The following JPH2 variants were observed in gnomAD, a reference collection of about 807,000 sequenced individuals.
The protein encoded by JPH2 is junctophilin-2.
In JPH2, 38 loss-of-function variants were observed where a neutral mutation model predicts 55.9. The observed-to-expected ratio is 0.68, with a 90% CI of 0.52 to 0.89. The LOEUF is 0.89. JPH2 is among the 40% of genes least tolerant of loss of function. The probability of loss-of-function intolerance (pLI) is 0.00; values close to 1 mark genes in which losing one functional copy is unlikely to be tolerated. For missense variants in JPH2, 964 were observed against 1,037.6 expected (o/e 0.93, Z 0.97); for synonymous variants, 480 against 472.4 (o/e 1.02, Z -0.21).
chr20:44,149,963 GAAAAAAAAAAAA>G (rs67234498), intron 2 of JPH2, among the ~76,000 whole-genome samples: 1 of 11,458 alleles, frequency 8.7e-5, no homozygotes, highest in African/African-American at 4.7e-4. Flanking sequence ...GGCGACAGAG[GAAAAAAAAAAAA>G]AAAAAAAAAA....
intron 2 of JPH2, among the ~76,000 whole-genome samples, chr20:44,134,898 T>TTA (rs1171262872): frequency 8.2e-5 from 3 of 36,618 alleles, no homozygotes; most frequent in Admixed American, 5.1e-4. Context: ...TAATATATAT[T>TTA]TATATATATA....
At chr20:44,169,926 G>C (rs1358604204) in intron 1 of JPH2, among the ~76,000 whole-genome samples, 1 of 152,146 alleles carries the variant, frequency 6.6e-6, no homozygotes, top group African/African-American at 2.4e-5. Flanking sequence ...GGACTCTGCA[G>C]AGAGTCTCCA....
intron 1 of JPH2, among the ~76,000 whole-genome samples, chr20:44,171,583 G>A (rs116080558): frequency 2.1e-4 from 30 of 146,220 alleles, no homozygotes; most frequent in African/African-American, 7.2e-4. Flanking sequence ...CTCTCTCTCT[G>A]AGTCTGTGCT....
chr20:44,156,049 A>AAAAAC (rs2072564230), intron 2 of JPH2, among the ~76,000 whole-genome samples: 2 of 151,554 alleles, frequency 1.3e-5, no homozygotes, highest in East Asian at 1.9e-4. Context: ...AAAAAAAAAA[A>AAAAAC]CTGTCAAGGA....
At chr20:44,178,463 T>C (rs2072753372) in intron 1 of JPH2, among the ~76,000 whole-genome samples, 1 of 152,242 alleles carries the variant, frequency 6.6e-6, no homozygotes, top group Admixed American at 6.5e-5. Flanking sequence ...TAGGGATATA[T>C]ACCATGTTCA....
intron 2 of JPH2, among the ~76,000 whole-genome samples, chr20:44,120,739 A>T (rs917261747): frequency 2.0e-5 from 3 of 152,092 alleles, no homozygotes; most frequent in Admixed American, 6.6e-5. Context: ...TGATAAGCTT[A>T]AAAAAAACAA....
intron 2 of JPH2, among the ~76,000 whole-genome samples, chr20:44,138,888 G>C (rs185469514): frequency 6.6e-6 from 1 of 152,180 alleles, no homozygotes; most frequent in Non-Finnish European, 1.5e-5. Flanking sequence ...AGGGGATCCA[G>C]ACAGCATGTG....
rs2072744419 is a variant in JPH2, at chr20:44,177,520, T to C, written c.379+8807A>G. 7.6e-6 allele frequency: 8 copies of C among 1,056,820 alleles called. No individual in the cohort carries two copies. The South Asian group carries it at 2.5e-4, about 33-fold the overall frequency. 65.5% of individuals were successfully genotyped at this position (1,056,820 alleles called of 1,614,324 possible). ...AATACGGTCCGCTTTTCTGTTCTGCTAAGGGTCTGCTGTGCTCTCCTGGGG... is the reference window on the plus strand; with the variant it reads ...AATACGGTCCGCTTTTCTGTTCTGCCAAGGGTCTGCTGTGCTCTCCTGGGG... On this transcript the variant is annotated intron_variant, in intron 1 of 5. Coordinates refer to ENST00000372980, the MANE Select transcript of JPH2 (RefSeq NM_020433.5).
chr20:44,183,060 C>T (rs932985262), intron 1 of JPH2, among the ~76,000 whole-genome samples: 7 of 152,156 alleles, frequency 4.6e-5, no homozygotes, highest in Non-Finnish European at 8.8e-5. Flanking sequence ...CACACAGACA[C>T]GTGCACACAC....
chr20:44,184,727 C>T (rs1410488800), intron 1 of JPH2, among the ~76,000 whole-genome samples: 6 of 152,136 alleles, frequency 3.9e-5, no homozygotes, highest in South Asian at 2.1e-4. Flanking sequence ...CCCACTGCTA[C>T]CCTCATGCTT....
rs55918465 is a variant in JPH2, at chr20:44,142,035, C to T, written c.1169+17583G>A. The stretch of plus-strand genomic sequence containing the variant: ...GTGACTGAATGACCACTTGGCAGGA[C>T]GATGGGAAAGGCATTCTGACATTGG... On this transcript the variant is annotated intron_variant, in intron 2 of 5. Transcript: ENST00000372980. Among the ~76,000 whole-genome samples the T allele has an allele frequency of 1.0e-2, 1,519 of 152,234 alleles. 25 individuals are homozygous for T. The highest frequency in any genetic ancestry group is 0.035 in the African/African-American group (1,451 of 41,540).
Position 44,116,187 on chromosome 20 carries a change from C to G in JPH2, c.1488G>C (p.Arg496=). 1.4e-6 allele frequency: 2 copies of G among 1,392,186 alleles called. No homozygotes were observed. The highest frequency in any genetic ancestry group is 1.6e-5 in the South Asian group (1 of 61,138). The allele number at this position is 1,392,186 out of a possible 1,614,324, so 86.2% of individuals were successfully genotyped here. The stretch of plus-strand genomic sequence containing the variant: ...CGTCCTTGGACACCCCGGGCCTGGG[C>G]CGCTTGGGCTGCGGGGGCGTCCCGG... ...SPAGTPPQPK[R]PRPGVSKDGL... is the part of the protein sequence containing the mutation. The change falls in exon 4 of 6, where the codon CGG becomes CGC. Residue 496 remains arginine, a synonymous_variant. Transcript: ENST00000372980.
chr20:44,136,865 C>T (rs1323728517), intron 2 of JPH2, among the ~76,000 whole-genome samples: 1 of 152,142 alleles, frequency 6.6e-6, no homozygotes, highest in East Asian at 1.9e-4. Context: ...TAAATTGTGG[C>T]ATGTGAAGGG....
intron 1 of JPH2, among the ~76,000 whole-genome samples, chr20:44,183,899 C>T (rs2072808037): frequency 6.6e-6 from 1 of 152,100 alleles, no homozygotes; most frequent in African/African-American, 2.4e-5. Context: ...CACCTGTAAT[C>T]CCAGCACTTT....
chr20:44,175,702 G>T (rs904767730), intron 1 of JPH2, among the ~76,000 whole-genome samples: 4 of 152,212 alleles, frequency 2.6e-5, no homozygotes, highest in African/African-American at 7.2e-5. Context: ...ATGCCCCGTG[G>T]CTCACCCCCA....
rs1488850956 is a variant in JPH2 at position 44,134,261 on chromosome 20, ATATT to A, written c.1170-15642_1170-15639del. Among the ~76,000 whole-genome samples, 2 of 31,392 alleles carry A rather than the reference ATATT, an allele frequency of 6.4e-5. 1 individual carries two copies. Among genetic ancestry groups the A allele is most frequent in the Non-Finnish European group, 1.0e-4 (2 of 19,108 alleles). The allele number at this position is 31,392 out of a possible 152,430, so 20.6% of individuals were successfully genotyped here. Reference sequence around the variant, plus strand: ...ATTTATTATAAATACATATAAATAAATATTTATTATATATACATATAAATATTTA... The same window carrying A: ...ATTTATTATAAATACATATAAATAAATATTATATATACATATAAATATTTA... On this transcript the variant is annotated intron_variant, in intron 2 of 5. Coordinates refer to ENST00000372980, the MANE Select transcript of JPH2 (RefSeq NM_020433.5).
intron 2 of JPH2, among the ~76,000 whole-genome samples, chr20:44,122,290 G>A (rs1443602718): frequency 6.6e-6 from 1 of 152,198 alleles, no homozygotes; most frequent in Non-Finnish European, 1.5e-5. Flanking sequence ...GAAGAGTTAA[G>A]AGCACACAGT....
intron 2 of JPH2, among the ~76,000 whole-genome samples, chr20:44,145,295 C>G (rs1004072123): frequency 2.4e-4 from 36 of 152,128 alleles, no homozygotes; most frequent in Admixed American, 1.8e-3. Context: ...TTCTCTGACT[C>G]TGCTACTTGG....
At chr20:44,181,932 G>A (rs756349470) in intron 1 of JPH2, among the ~76,000 whole-genome samples, 2 of 152,270 alleles carry the variant, frequency 1.3e-5, no homozygotes, top group Non-Finnish European at 2.9e-5. Flanking sequence ...TTATTCCTAC[G>A]CCGCAGGTGT....
Sources: gnomAD v4.1 joint callset for allele counts (sites outside exome capture counted in the v4.1 genomes callset) on GRCh38, gnomAD v4.1.1 for gene constraint, MANE v1.5 for transcripts, NCBI Gene and HGNC (gene_info 2026-07-23, HGNC 2026-07-21) for gene names.